AGO1: variants seen among roughly 807,000 people sequenced by gnomAD.
The protein encoded by AGO1 is argonaute RISC component 1, also known as protein argonaute-1.
Under a neutral mutation model 109.2 loss-of-function variants are expected in AGO1, and 11 were observed. The observed-to-expected ratio is 0.10, with a 90% CI of 0.06 to 0.17. AGO1 has a LOEUF of 0.17. Among genes scored for constraint, AGO1 ranks in the 10% least tolerant of loss-of-function variants. The pLI, the probability that AGO1 is intolerant of heterozygous loss-of-function variation, is 1.00. For synonymous variants in AGO1, 422 were observed against 418.6 expected (o/e 1.01, Z -0.10); for missense variants, 574 against 1,140.3 (o/e 0.50, Z 7.15).
chr1:35,893,686 G>C lies in AGO1; in HGVS notation c.525G>C (p.Val175=). The C allele has an allele frequency of 6.2e-7, 1 of 1,612,962 alleles. No individual in the cohort carries two copies. The highest frequency in any genetic ancestry group is 1.1e-5 in the South Asian group (1 of 90,960). ...CTGTCCCTGCCAGGTACACCCCTGTGGGCCGCTCCTTCTTCTCACCGCCTG... is the reference window on the plus strand; with the variant it reads ...CTGTCCCTGCCAGGTACACCCCTGTCGGCCGCTCCTTCTTCTCACCGCCTG... ...RHLASMRYTP[V]GRSFFSPPEG... The change falls in exon 5 of 19, where the codon GTG becomes GTC. Residue 175 remains valine, a synonymous_variant. Transcript: ENST00000373204. This position sits in a 1 kb window ranked among gnomAD's most constrained non-coding sequence, Gnocchi z 5.6.
intron 6 of AGO1, 32 bp downstream of exon 6, chr1:35,894,203 G>A: frequency 4.5e-6 from 7 of 1,569,548 alleles, no homozygotes; most frequent in Non-Finnish European, 4.3e-6. Flanking sequence ...AAGGGAAACA[G>A]CGCCACTTTA....
At position 35,893,413 on chromosome 1, in the gene AGO1, C is replaced by A; in HGVS notation, c.512+135C>A. 1 of 1,015,292 alleles carries A rather than the reference C, an allele frequency of 9.8e-7. No individual in the cohort carries two copies. Among genetic ancestry groups the A allele is most frequent in the Non-Finnish European group, 1.4e-6 (1 of 709,272 alleles). 62.9% of individuals were successfully genotyped at this position (1,015,292 alleles called of 1,614,324 possible). A position where few individuals can be genotyped will look rare whatever the true frequency, so the allele number is the denominator to read the frequency against. On this transcript the variant is annotated intron_variant, in intron 4 of 18. Coordinates refer to ENST00000373204, the MANE Select transcript of AGO1 (RefSeq NM_012199.5). The surrounding 1 kb of genome is among the most constrained non-coding windows in gnomAD (Gnocchi z 5.6). ...ATTTGAAGCCCTACCACTTGCCAGG[C>A]AAATGTGTATTTATATTTAGATGGT...
rs1475235403 is a variant in AGO1, at chr1:35,925,471, A to G, written c.*5864A>G. On this transcript the variant is annotated 3_prime_UTR_variant, in exon 19 of 19. Transcript: ENST00000373204. ...ATAGTAGCATACTATATTTATTTCC[A>G]TAATTTGTCTTCTTTAGAGCCTATG... The G allele has an allele frequency of 6.7e-6, 1 of 149,542 alleles. No individual in the cohort carries two copies. The highest frequency in any genetic ancestry group is 1.5e-5 in the Non-Finnish European group (1 of 67,586). The allele number at this position is 149,542 out of a possible 1,614,324, so 9.3% of individuals were successfully genotyped here. A position where few individuals can be genotyped will look rare whatever the true frequency, so the allele number is the denominator to read the frequency against.
At chr1:35,904,983 C>T (rs528634084) in intron 11 of AGO1, among the ~76,000 whole-genome samples, 16 of 152,140 alleles carry the variant, frequency 1.1e-4, no homozygotes, top group African/African-American at 3.1e-4. Context: ...GAGTTCTAGA[C>T]GCAACCCTCA....
At position 35,928,483 on chromosome 1, in the gene AGO1, C is replaced by T. The variant is rs980305904; in HGVS notation, c.*8876C>T. Reference sequence around the variant, plus strand: ...AATTTTTTTTGTAGCAGTTCGGTCTCATTAGTATTGCCCAGGCTGGCCTCT... The same window carrying T: ...AATTTTTTTTGTAGCAGTTCGGTCTTATTAGTATTGCCCAGGCTGGCCTCT... On this transcript the variant is annotated 3_prime_UTR_variant, in exon 19 of 19. Transcript: ENST00000373204. The T allele has an allele frequency of 1.3e-5, 2 of 152,180 alleles. No homozygotes were observed. The highest frequency in any genetic ancestry group is 4.8e-5 in the African/African-American group (2 of 41,420). The allele number at this position is 152,180 out of a possible 1,614,324, so 9.4% of individuals were successfully genotyped here. A position where few individuals can be genotyped will look rare whatever the true frequency, so the allele number is the denominator to read the frequency against.
In AGO1 at chr1:35,894,433, T is replaced by A. The variant is rs749602510; in HGVS notation, c.872+31T>A. On this transcript the variant is annotated intron_variant, in intron 7 of 18. Transcript: ENST00000373204. ...TTGGCAGGGGTGCTGAGTCATACTT[T>A]GTTGGTGGAGAAGGGCTGAGATTTA... The A allele has an allele frequency of 1.4e-5, 22 of 1,606,874 alleles. No homozygotes were observed. In the African/African-American group the frequency reaches 2.4e-4, roughly 18 times the overall value.
In AGO1 at chr1:35,872,407, A is replaced by G. The variant is rs557683736; in HGVS notation, c.-201+2504A>G. Among the ~76,000 whole-genome samples, 182 of 152,142 alleles carry G rather than the reference A, an allele frequency of 1.2e-3. 1 individual carries two copies. The highest frequency in any genetic ancestry group is 4.1e-3 in the Admixed American group (62 of 15,288). Reference sequence around the variant, plus strand: ...CACCACATTGGCCATGCTGGTCTTGAACTCCTGACCTCAGGTGATCTGCCC... The same window carrying G: ...CACCACATTGGCCATGCTGGTCTTGGACTCCTGACCTCAGGTGATCTGCCC... On this transcript the variant is annotated intron_variant, in intron 1 of 18. Transcript: ENST00000373206.
Position 35,927,657 on chromosome 1 carries a change from T to A in AGO1, c.*8050T>A, listed in dbSNP as rs1645956083. ...ATCAGGAGTGGCTTAGATTAATGAA[T>A]TATCCTTTGAGTCGTGTAGACTAGA... On this transcript the variant is annotated 3_prime_UTR_variant, in exon 19 of 19. Coordinates refer to ENST00000373204, the MANE Select transcript of AGO1 (RefSeq NM_012199.5). 1 of 152,188 alleles carries A rather than the reference T, an allele frequency of 6.6e-6. No individual in the cohort carries two copies. The highest frequency in any genetic ancestry group is 1.5e-5 in the Non-Finnish European group (1 of 68,028). The allele number at this position is 152,188 out of a possible 1,614,324, so 9.4% of individuals were successfully genotyped here.
upstream of AGO1, among the ~76,000 whole-genome samples, chr1:35,879,426 C>A (rs934762259): frequency 2.0e-5 from 3 of 150,244 alleles, no homozygotes; most frequent in African/African-American, 7.4e-5. Context: ...CCAGCCTGGG[C>A]AACCAGAGCA....
rs757489958 is a variant in AGO1 at position 35,906,624 on chromosome 1, C to CTTG, written c.1398-311_1398-310insTTG. The stretch of plus-strand genomic sequence containing the variant: ...AGGAACTTGAGACCAGCTTGGGCAA[C>CTTG]ATAGTGAGATCCCATCTCTACCAAA... On this transcript the variant is annotated intron_variant, in intron 11 of 18. Coordinates refer to ENST00000373204, the MANE Select transcript of AGO1 (RefSeq NM_012199.5). Among the ~76,000 whole-genome samples, 37 of 151,984 alleles carry CTTG rather than the reference C, an allele frequency of 2.4e-4. No homozygotes were observed. The East Asian group carries it at 6.8e-3, about 28-fold the overall frequency.
chr1:35,897,061 G>C lies in AGO1; in HGVS notation c.1020+1792G>C, dbSNP rs191012048. ...TACTATGTGTCATATACTCTCAGGT[G>C]CTAGGAACATGGAGATTAACAAGAC... is the stretch of plus-strand genomic sequence containing the variant. On this transcript the variant is annotated intron_variant, in intron 8 of 18. Transcript: ENST00000373204. Among the ~76,000 whole-genome samples the C allele has an allele frequency of 1.8e-4, 27 of 152,290 alleles. No individual in the cohort carries two copies. In the East Asian group the frequency reaches 3.9e-3, roughly 22 times the overall value.
At chr1:35,875,383 ATT>A (rs373974829) in intron 1 of AGO1, among the ~76,000 whole-genome samples, 2 of 145,540 alleles carry the variant, frequency 1.4e-5, no homozygotes, top group Non-Finnish European at 1.5e-5. Flanking sequence ...ATGATAGCAC[ATT>A]TTTTTTTTTT....
At chr1:35,898,048 T>C (rs1645349353) in intron 8 of AGO1, among the ~76,000 whole-genome samples, 1 of 152,192 alleles carries the variant, frequency 6.6e-6, no homozygotes. Flanking sequence ...TAGCATAATG[T>C]TTTCAAGGTT....
In AGO1 at chr1:35,923,728, T is replaced by C. The variant is rs1019173380; in HGVS notation, c.*4121T>C. The C allele has an allele frequency of 6.6e-6, 1 of 152,596 alleles. No homozygotes were observed. The highest frequency in any genetic ancestry group is 1.5e-5 in the Non-Finnish European group (1 of 68,020). The allele number at this position is 152,596 out of a possible 1,614,324, so 9.5% of individuals were successfully genotyped here. A position where few individuals can be genotyped will look rare whatever the true frequency, so the allele number is the denominator to read the frequency against. The stretch of plus-strand genomic sequence containing the variant: ...GCTGGGTTGGTGCTCTCCCTTACTC[T>C]ACTCATACTGACTTAGAGCCTCTGG... On this transcript the variant is annotated 3_prime_UTR_variant, in exon 19 of 19. Coordinates refer to ENST00000373204, the MANE Select transcript of AGO1 (RefSeq NM_012199.5).
chr1:35,896,341 C>T (rs1265384643), intron 8 of AGO1, among the ~76,000 whole-genome samples: 1 of 151,050 alleles, frequency 6.6e-6, no homozygotes, highest in African/African-American at 2.4e-5. Flanking sequence ...TGTACATTAA[C>T]GTTGGAGAAG....
chr1:35,882,863 G>C, upstream of AGO1: 1 of 985,412 alleles, frequency 1.0e-6, no homozygotes. This position sits in a 1 kb window ranked among gnomAD's most constrained non-coding sequence, Gnocchi z 5.1. Context: ...TGGAGTGCCA[G>C]GGGGTCTGGG....
rs1309399501 is a variant in AGO1, at chr1:35,923,285, T to C, written c.*3678T>C. ...GCTAAGCAGCAGTGTTTTTGGATACTTTTTTTTTCTGTTTGTGAATAAGGC... is the reference window on the plus strand; with the variant it reads ...GCTAAGCAGCAGTGTTTTTGGATACCTTTTTTTTCTGTTTGTGAATAAGGC... On this transcript the variant is annotated 3_prime_UTR_variant, in exon 19 of 19. Coordinates refer to ENST00000373204, the MANE Select transcript of AGO1 (RefSeq NM_012199.5). 6.6e-6 allele frequency: 1 copy of C among 151,000 alleles called. No individual in the cohort carries two copies. Among genetic ancestry groups the C allele is most frequent in the East Asian group, 1.9e-4 (1 of 5,176 alleles). 9.4% of individuals were successfully genotyped at this position (151,000 alleles called of 1,614,324 possible).
At chr1:35,870,694 T>G (rs75271503) in intron 1 of AGO1, among the ~76,000 whole-genome samples, 8,090 of 152,332 alleles carry the variant, frequency 0.053, 286 homozygotes, top group Non-Finnish European at 0.075. Flanking sequence ...TATTTTGGTT[T>G]TTTACCTTTA....
rs1258548504 is a variant in AGO1, at chr1:35,929,817, A to C, written c.*10210A>C. On this transcript the variant is annotated 3_prime_UTR_variant, in exon 19 of 19. Transcript: ENST00000373204. ...TTGTGTTATTCACTAACATTTGGGG[A>C]GGATTTTCTCTGTGCTTTATGTATA... is the stretch of plus-strand genomic sequence containing the variant. 6 of 152,118 alleles carry C rather than the reference A, an allele frequency of 3.9e-5. No homozygotes were observed. The South Asian group carries it at 6.2e-4, about 16-fold the overall frequency. 9.4% of individuals were successfully genotyped at this position (152,118 alleles called of 1,614,324 possible).
Sources: gnomAD v4.1 joint callset for allele counts (sites outside exome capture counted in the v4.1 genomes callset) on GRCh38, gnomAD v4.1.1 for gene constraint, Gnocchi (gnomAD v3.1) non-coding constraint, MANE v1.5 for transcripts, NCBI Gene and HGNC (gene_info 2026-07-23, HGNC 2026-07-21) for gene names.